The following RARS1 variants were observed in gnomAD, a reference collection of about 807,000 sequenced individuals.
RARS1 encodes arginine--tRNA ligase, cytoplasmic.
Under a neutral mutation model 78.7 loss-of-function variants are expected in RARS1, and 75 were observed. The observed-to-expected ratio is 0.95, with a 90% CI of 0.79 to 1.15. The LOEUF (loss-of-function observed/expected upper bound fraction) is 1.15. RARS1 is among the 50% of genes most tolerant of loss of function. The pLI is 0.00. For synonymous variants in RARS1, 273 were observed against 268.2 expected, an observed-to-expected ratio of 1.02 and a Z score of -0.18; for missense variants, 787 against 787.5, an observed-to-expected ratio of 1.00 and a Z score of 0.01.
rs879107552 is a variant in RARS1, at chr5:168,492,655, A to G, written c.181-4A>G. The G allele has an allele frequency of 2.5e-6, 4 of 1,578,188 alleles. No individual in the cohort carries two copies. The highest frequency in any genetic ancestry group is 1.7e-4 in the Middle Eastern group (1 of 5,942). On this transcript the variant is annotated splice_region_variant and splice_polypyrimidine_tract_variant and intron_variant, in intron 2 of 14. Transcript: ENST00000231572. ...ATTGACATGTTTCCATTCTTTTCCT[A>G]CAGAGTCTTCAGGCAGAAAGGAACA...
At chr5:168,518,211 A>C in intron 14 of RARS1, 149 bp downstream of exon 14, 1 of 989,822 alleles carries the variant, frequency 1.0e-6, no homozygotes, top group Non-Finnish European at 1.4e-6. Context: ...AGCCTCCCGA[A>C]TGGCTGGACT....
At chr5:168,502,396 TA>T (rs70976490) in intron 9 of RARS1, among the ~76,000 whole-genome samples, 3 of 143,716 alleles carry the variant, frequency 2.1e-5, no homozygotes, top group African/African-American at 7.8e-5. Context: ...TTTTTTTTTT[TA>T]AAACAATCTT....
At chr5:168,491,193 G>A (rs923976159) in intron 2 of RARS1, among the ~76,000 whole-genome samples, 2 of 152,054 alleles carry the variant, frequency 1.3e-5, no homozygotes, top group Admixed American at 6.6e-5. Context: ...AGCAGGTTTT[G>A]GGTATAAGAT....
In RARS1 at chr5:168,510,669, G is replaced by C. The variant is rs1269204976; in HGVS notation, c.1435G>C (p.Glu479Gln). The change falls in exon 12 of 15, where the codon GAA becomes CAA. Residue 479 changes from glutamate (E) to glutamine (Q), a missense_variant. Coordinates refer to ENST00000231572, the MANE Select transcript of RARS1 (RefSeq NM_002887.4). Reference protein sequence around the residue: ...GLKRSMDKLKEKERDKVLTAE... With the variant: ...GLKRSMDKLKQKERDKVLTAE... ...AAAACGATCCATGGACAAGTTGAAG[G>C]AAAAAGAAAGAGACAAGGTAATTCA... The C allele has an allele frequency of 6.2e-7, 1 of 1,603,050 alleles. No homozygotes were observed. Among genetic ancestry groups the C allele is most frequent in the East Asian group, 2.2e-5 (1 of 44,782 alleles).
rs552237903 is a variant in RARS1 at position 168,511,424 on chromosome 5, G to A, written c.1452+738G>A. On this transcript the variant is annotated intron_variant, in intron 12 of 14. Transcript: ENST00000231572. ...CTAAAGCAGGAGCAAGAGAGAGAGAGTAGGGGGAGAAGGTGCCACACTCTT... is the reference window on the plus strand; with the variant it reads ...CTAAAGCAGGAGCAAGAGAGAGAGAATAGGGGGAGAAGGTGCCACACTCTT... 2.0e-5 allele frequency among the ~76,000 whole-genome samples: 3 copies of A among 152,014 alleles called. No individual in the cohort carries two copies. In the East Asian group the frequency reaches 5.8e-4, roughly 30 times the overall value.
chr5:168,518,773 G>T (rs997678820), intron 14 of RARS1, among the ~76,000 whole-genome samples: 1 of 152,108 alleles, frequency 6.6e-6, no homozygotes, highest in Admixed American at 6.6e-5. Context: ...TGATAATGAG[G>T]TTTATAGTTA....
Position 168,516,950 on chromosome 5 carries a change from G to A in RARS1, c.1625G>A (p.Arg542Lys). The A allele has an allele frequency of 6.2e-7, 1 of 1,612,140 alleles. No homozygotes were observed. The highest frequency in any genetic ancestry group is 8.5e-7 in the Non-Finnish European group (1 of 1,178,338). Residue 542 changes from arginine (R) to lysine (K), a missense_variant and splice_region_variant, in exon 13 of 15, where the codon AGG becomes AAG. Arg to Lys is a conservative substitution (Grantham distance 26, BLOSUM62 2). Transcript: ENST00000231572. Reference protein sequence around the residue: ...AYLLYAFTRIRSIARLANIDE... With the variant: ...AYLLYAFTRIKSIARLANIDE... ...TTGTTGTATGCCTTCACTAGAATCAGGTAATTGTGGGTAGGCATTGTTTTA... is the reference window on the plus strand; with the variant it reads ...TTGTTGTATGCCTTCACTAGAATCAAGTAATTGTGGGTAGGCATTGTTTTA...
intron 11 of RARS1, among the ~76,000 whole-genome samples, chr5:168,507,048 C>G (rs1316040719): frequency 3.3e-5 from 5 of 152,156 alleles, no homozygotes; most frequent in Non-Finnish European, 7.3e-5. Context: ...TAGTGAAAAC[C>G]AGACTGTAGA....
At chr5:168,518,235 G>A (rs1324898401) in intron 14 of RARS1, among the ~76,000 whole-genome samples, 173 bp downstream of exon 14, 1 of 151,512 alleles carries the variant, frequency 6.6e-6, no homozygotes, top group Admixed American at 6.6e-5. Context: ...ACACGTGTGA[G>A]CCACTGCACC....
intron 6 of RARS1, chr5:168,497,002 A>G (rs1480846501): frequency 8.4e-6 from 3 of 357,378 alleles, no homozygotes; most frequent in Non-Finnish European, 1.5e-5. Flanking sequence ...TGCCTTGTGC[A>G]GCCTCTAGTA....
intron 10 of RARS1, 135 bp from the exon 11 acceptor site, chr5:168,506,587 T>A: frequency 1.6e-6 from 1 of 637,278 alleles, no homozygotes; most frequent in Non-Finnish European, 2.7e-6. Context: ...AAAGAAGAGG[T>A]TTTATAATAG....
intron 9 of RARS1, among the ~76,000 whole-genome samples, chr5:168,505,140 T>TA (rs1758410340): frequency 1.3e-5 from 2 of 152,224 alleles, no homozygotes; most frequent in African/African-American, 4.8e-5. Flanking sequence ...CTTATGTTTT[T>TA]AACTGCTTAT....
intron 7 of RARS1, chr5:168,498,059 C>T (rs1480901112): frequency 6.6e-6 from 1 of 151,992 alleles, no homozygotes; most frequent in Non-Finnish European, 1.5e-5. Context: ...GAGATCCCAT[C>T]TCTACAAAAA....
At position 168,516,912 on chromosome 5, in the gene RARS1, T is replaced by C; in HGVS notation, c.1587T>C (p.Asn529=). ...SFDKMLDDRG[N]TAAYLLYAFT... ...ACAAAATGCTAGATGACAGAGGAAA[T>C]ACAGCTGCTTACTTGTTGTATGCCT... Residue 529 remains asparagine (N), a synonymous_variant, in exon 13 of 15, where the codon AAT becomes AAC. Transcript: ENST00000231572. 1 of 1,614,114 alleles carries C rather than the reference T, an allele frequency of 6.2e-7. No homozygotes were observed.
rs60743864 is a variant in RARS1, at chr5:168,505,714, GA to G, written c.1058-286del. Among the ~76,000 whole-genome samples, 3,835 of 114,186 alleles carry G rather than the reference GA, an allele frequency of 0.034. 129 individuals are homozygous for G. The highest frequency in any genetic ancestry group is 0.1 in the African/African-American group (3,141 of 30,458). The allele number at this position is 114,186 out of a possible 152,430, so 74.9% of individuals were successfully genotyped here. On this transcript the variant is annotated intron_variant, in intron 9 of 14. Coordinates refer to ENST00000231572, the MANE Select transcript of RARS1 (RefSeq NM_002887.4). ...CGTAGCAAGACTGTGTATCAAAAAAGAAAAAAAAAAAAAAAAAAAAAGCAGT... is the reference window on the plus strand; with the variant it reads ...CGTAGCAAGACTGTGTATCAAAAAAGAAAAAAAAAAAAAAAAAAAAGCAGT...
Position 168,488,665 on chromosome 5 carries a change from G to T in RARS1, c.109G>T (p.Ala37Ser), listed in dbSNP as rs547651272. 6.2e-7 allele frequency: 1 copy of T among 1,612,908 alleles called. No homozygotes were observed. The highest frequency in any genetic ancestry group is 1.3e-5 in the African/African-American group (1 of 74,974). Reference protein sequence around the residue: ...DRLKNCGCLGASPNLEQLQEE... With the variant: ...DRLKNCGCLGSSPNLEQLQEE... ...GTTGAAAAACTGTGGCTGTTTAGGAGCTTCTCCAAATTTGGAGCAGTTACA... is the reference window on the plus strand; with the variant it reads ...GTTGAAAAACTGTGGCTGTTTAGGATCTTCTCCAAATTTGGAGCAGTTACA... The change falls in exon 2 of 15, where the codon GCT becomes TCT. Residue 37 changes from alanine (A) to serine (S), a missense_variant. Coordinates refer to ENST00000231572, the MANE Select transcript of RARS1 (RefSeq NM_002887.4).
chr5:168,500,200 CAAAAA>C (rs36015007), intron 7 of RARS1, among the ~76,000 whole-genome samples: 2 of 47,798 alleles, frequency 4.2e-5, no homozygotes, highest in Non-Finnish European at 7.5e-5. Flanking sequence ...GACTCTGTCT[CAAAAA>C]AAAAAAAAAA....
At chr5:168,495,002 A>ATTT in intron 5 of RARS1, 1 of 258,742 alleles carries the variant, frequency 3.9e-6, no homozygotes, top group Non-Finnish European at 7.1e-6. Flanking sequence ...ATGTTGTGTG[A>ATTT]TTTTTTTTTT....
At chr5:168,502,213 C>T in intron 9 of RARS1, 108 bp downstream of exon 9, 8 of 1,450,738 alleles carry the variant, frequency 5.5e-6, no homozygotes, top group Non-Finnish European at 7.3e-6. Context: ...CCAATTTCAA[C>T]AGTTATGGGT....
Sources: allele counts gnomAD v4.1 joint callset (sites outside exome capture counted in the v4.1 genomes callset), GRCh38; gene constraint gnomAD v4.1.1; transcripts MANE v1.5; gene names NCBI Gene and HGNC (gene_info 2026-07-23, HGNC 2026-07-21).